The following CDKAL1 variants were observed in gnomAD, a reference collection of about 807,000 sequenced individuals.
CDKAL1 encodes CDKAL1 threonylcarbamoyladenosine tRNA methylthiotransferase.
A neutral mutation model predicts 68.2 loss-of-function variants in CDKAL1; 32 were observed. The ratio of observed to expected loss-of-function variants is 0.47; its 90% CI spans 0.35 to 0.63. The LOEUF is 0.63. Ranked by LOEUF, CDKAL1 falls within the 30% of genes least tolerant of loss-of-function variation. CDKAL1 has a pLI of 0.00. For synonymous variants in CDKAL1, 234 were observed against 244.3 expected, an observed-to-expected ratio of 0.96 and a Z score of 0.39; for missense variants, 606 against 696.7, an observed-to-expected ratio of 0.87 and a Z score of 1.47.
chr6:21,153,350 T>G (rs1292820412), intron 13 of CDKAL1, among the ~76,000 whole-genome samples: 1 of 151,888 alleles, frequency 6.6e-6, no homozygotes, highest in Non-Finnish European at 1.5e-5. Flanking sequence ...ATTAACCTAA[T>G]GCCATTTGAA....
chr6:20,728,282 C>T (rs6928012), intron 5 of CDKAL1, among the ~76,000 whole-genome samples: 73,997 of 151,836 alleles, frequency 0.49, 19,154 homozygotes, highest in Non-Finnish European at 0.59. Context: ...ATTGTATGCA[C>T]GATAGGCACA....
chr6:20,731,637 A>G (rs915275767), intron 5 of CDKAL1, among the ~76,000 whole-genome samples: 1 of 152,194 alleles, frequency 6.6e-6, no homozygotes, highest in Non-Finnish European at 1.5e-5. Context: ...GCTAGGTAGT[A>G]TATATGCTTC....
At chr6:21,105,905 A>C (rs1167422472) in intron 12 of CDKAL1, among the ~76,000 whole-genome samples, 1 of 152,220 alleles carries the variant, frequency 6.6e-6, no homozygotes, top group African/African-American at 2.4e-5. Context: ...ATCTGTTCTA[A>C]AAACATTGAT....
intron 5 of CDKAL1, among the ~76,000 whole-genome samples, chr6:20,659,000 A>ATTT (rs202152780): frequency 3.3e-5 from 5 of 150,066 alleles, no homozygotes; most frequent in African/African-American, 1.2e-4. Context: ...TATTATTATT[A>ATTT]TTTTTTTTTA....
intron 13 of CDKAL1, among the ~76,000 whole-genome samples, chr6:21,141,169 A>G (rs956696194): frequency 6.6e-6 from 1 of 152,136 alleles, no homozygotes; most frequent in African/African-American, 2.4e-5. Context: ...CTTGCACGCT[A>G]TATTTAATCC....
chr6:21,174,552 A>C (rs1182099765), intron 13 of CDKAL1, among the ~76,000 whole-genome samples: 1 of 152,184 alleles, frequency 6.6e-6, no homozygotes, highest in African/African-American at 2.4e-5. Context: ...AAGAAAACAA[A>C]AACTACAAAA....
At chr6:20,884,469 C>T (rs1426622548) in intron 9 of CDKAL1, among the ~76,000 whole-genome samples, 1 of 152,206 alleles carries the variant, frequency 6.6e-6, no homozygotes, top group African/African-American at 2.4e-5. Flanking sequence ...CCTGCTTTCT[C>T]CATTGCTATT....
At chr6:21,084,773 A>G (rs1772603398) in intron 12 of CDKAL1, among the ~76,000 whole-genome samples, 1 of 152,206 alleles carries the variant, frequency 6.6e-6, no homozygotes, top group Non-Finnish European at 1.5e-5. Context: ...TTTGGAATCA[A>G]GCACAAAAAT....
chr6:20,956,616 A>G (rs1289759888), intron 10 of CDKAL1, among the ~76,000 whole-genome samples: 1 of 152,204 alleles, frequency 6.6e-6, no homozygotes, highest in African/African-American at 2.4e-5. Context: ...AGCTAAAAGC[A>G]ACCACTGCTG....
chr6:20,633,845 C>T (rs1356692775), intron 4 of CDKAL1, among the ~76,000 whole-genome samples: 1 of 152,080 alleles, frequency 6.6e-6, no homozygotes, highest in East Asian at 1.9e-4. Flanking sequence ...CTATTCAGAT[C>T]TCTTGCCCAT....
At chr6:20,654,377 C>T (rs1332414614) in intron 5 of CDKAL1, among the ~76,000 whole-genome samples, 1 of 151,280 alleles carries the variant, frequency 6.6e-6, no homozygotes, top group Admixed American at 6.6e-5. Context: ...AGATATTATA[C>T]ACGTTGCAAA....
At chr6:20,698,672 A>G (rs1242256272) in intron 5 of CDKAL1, among the ~76,000 whole-genome samples, 3 of 152,152 alleles carry the variant, frequency 2.0e-5, no homozygotes, top group Non-Finnish European at 4.4e-5. Flanking sequence ...CATTCTCATC[A>G]CAGCATATCA....
intron 5 of CDKAL1, among the ~76,000 whole-genome samples, chr6:20,721,608 T>C (rs991035626): frequency 6.6e-6 from 1 of 152,112 alleles, no homozygotes; most frequent in Non-Finnish European, 1.5e-5. Context: ...CAAATGGTAA[T>C]CTTATTTTTA....
chr6:21,128,628 T>C (rs1393976214), intron 13 of CDKAL1, among the ~76,000 whole-genome samples: 3 of 152,176 alleles, frequency 2.0e-5, no homozygotes, highest in Non-Finnish European at 2.9e-5. Flanking sequence ...CAAGATATTT[T>C]AGGATAAAAT....
intron 12 of CDKAL1, among the ~76,000 whole-genome samples, chr6:21,070,281 C>T (rs1290315644): frequency 6.6e-6 from 1 of 152,200 alleles, no homozygotes; most frequent in East Asian, 1.9e-4. Context: ...GTTAAGAATC[C>T]TATGGCCTCT....
At chr6:21,137,921 C>CT (rs1383293916) in intron 13 of CDKAL1, among the ~76,000 whole-genome samples, 1 of 152,246 alleles carries the variant, frequency 6.6e-6, no homozygotes, top group African/African-American at 2.4e-5. Context: ...GAACAACGCT[C>CT]TGTGTAGCAT....
chr6:20,652,526 C>G (rs2127763284), intron 5 of CDKAL1, among the ~76,000 whole-genome samples: 1 of 152,156 alleles, frequency 6.6e-6, no homozygotes, highest in South Asian at 2.1e-4. Context: ...AAATTATTTC[C>G]TCATTCCATA....
chr6:21,186,702 T>C (rs1450015611), intron 13 of CDKAL1, among the ~76,000 whole-genome samples: 2 of 152,190 alleles, frequency 1.3e-5, no homozygotes, highest in Non-Finnish European at 2.9e-5. Context: ...TATACATTCC[T>C]TCCTAAAACT....
chr6:20,649,107 C>A (rs913040119), intron 4 of CDKAL1, among the ~76,000 whole-genome samples, 186 bp from the exon 5 acceptor site: 1 of 152,200 alleles, frequency 6.6e-6, no homozygotes, highest in African/African-American at 2.4e-5. Flanking sequence ...GCATAGATTA[C>A]ACATTTTTAT....
Sources: gnomAD v4.1 joint callset for allele counts (sites outside exome capture counted in the v4.1 genomes callset) on GRCh38, gnomAD v4.1.1 for gene constraint, MANE v1.5 for transcripts, NCBI Gene and HGNC (gene_info 2026-07-23, HGNC 2026-07-21) for gene names.